Variants in AFG3L2 observed in about 807,000 individuals in gnomAD.
The protein encoded by AFG3L2 is AFG3 like matrix AAA peptidase subunit 2, also known as mitochondrial inner membrane m-AAA protease component AFG3L2.
In AFG3L2, 54 loss-of-function variants were observed where a neutral mutation model predicts 94.5. The observed-to-expected ratio is 0.57, with a 90% confidence interval of 0.46 to 0.72. AFG3L2 has a LOEUF of 0.72. AFG3L2 is among the 30% of genes least tolerant of loss of function. AFG3L2 has a pLI of 0.00. For missense variants in AFG3L2, 754 were observed against 994.9 expected (o/e 0.76, Z 3.26); for synonymous variants, 377 against 365.5 (o/e 1.03, Z -0.36).
At chr18:12,372,043 C>A (rs1356059357) in intron 1 of AFG3L2, among the ~76,000 whole-genome samples, 1 of 152,204 alleles carries the variant, frequency 6.6e-6, no homozygotes, top group Non-Finnish European at 1.5e-5. Context: ...CAGTGGCTCA[C>A]ACCTGTAATC....
At chr18:12,358,396 T>A (rs1366792235) in intron 8 of AFG3L2, among the ~76,000 whole-genome samples, 1 of 152,160 alleles carries the variant, frequency 6.6e-6, no homozygotes, top group Non-Finnish European at 1.5e-5. Flanking sequence ...AGATAGGGCA[T>A]CTAAATCAGA....
At position 12,362,971 on chromosome 18, in the gene AFG3L2, C is replaced by T. The variant is rs1908706615; in HGVS notation, c.627+811G>A. Among the ~76,000 whole-genome samples, 2 of 152,184 alleles carry T rather than the reference C, an allele frequency of 1.3e-5. 1 individual carries two copies. The highest frequency in any genetic ancestry group is 4.1e-4 in the South Asian group (2 of 4,832). On this transcript the variant is annotated intron_variant, in intron 6 of 16. Coordinates refer to ENST00000269143, the MANE Select transcript of AFG3L2 (RefSeq NM_006796.3). ...AGGATAAAGCACGGTTATTAATAGGCATTGCATCACTAGGTAGAGGGAATG... is the reference window on the plus strand; with the variant it reads ...AGGATAAAGCACGGTTATTAATAGGTATTGCATCACTAGGTAGAGGGAATG...
chr18:12,345,286 T>G (rs540116079), intron 13 of AFG3L2, among the ~76,000 whole-genome samples: 20 of 152,236 alleles, frequency 1.3e-4, no homozygotes, highest in Non-Finnish European at 2.5e-4. Flanking sequence ...GCGTGATTCT[T>G]CTCTGGCCTG....
At chr18:12,357,640 C>T (rs534302813) in intron 8 of AFG3L2, among the ~76,000 whole-genome samples, 4 of 152,120 alleles carry the variant, frequency 2.6e-5, no homozygotes, top group African/African-American at 9.6e-5. Context: ...CACTCTTGTC[C>T]AGGCTGGAGT....
At chr18:12,376,170 CT>C (rs1909150094) in intron 1 of AFG3L2, among the ~76,000 whole-genome samples, 1 of 152,180 alleles carries the variant, frequency 6.6e-6, no homozygotes, top group Non-Finnish European at 1.5e-5. Flanking sequence ...TACAAGGGCG[CT>C]GGGATAGCAG....
intron 13 of AFG3L2, among the ~76,000 whole-genome samples, chr18:12,345,801 A>G (rs1908115001): frequency 6.6e-6 from 1 of 152,190 alleles, no homozygotes; most frequent in Non-Finnish European, 1.5e-5. Context: ...GTGAATTATT[A>G]TATTTTGCTT....
At chr18:12,363,758 A>G in intron 6 of AFG3L2, 24 bp downstream of exon 6, 1 of 1,582,346 alleles carries the variant, frequency 6.3e-7, no homozygotes, top group Non-Finnish European at 8.7e-7. Flanking sequence ...CAACTAATTC[A>G]CATCAATTAA....
At chr18:12,356,209 T>C (rs1319625339) in intron 9 of AFG3L2, among the ~76,000 whole-genome samples, 1 of 151,180 alleles carries the variant, frequency 6.6e-6, no homozygotes, top group African/African-American at 2.4e-5. Flanking sequence ...TGGAATGCAG[T>C]GGTGTCATCT....
intron 9 of AFG3L2, among the ~76,000 whole-genome samples, chr18:12,354,128 T>TCCCC (rs1200634370): frequency 7.6e-5 from 4 of 52,656 alleles, no homozygotes; most frequent in African/African-American, 4.0e-4. Flanking sequence ...ACCTGCCCAC[T>TCCCC]CCCACCCCCC....
At chr18:12,367,177 C>T in intron 4 of AFG3L2, 60 bp from the exon 5 acceptor site, 1 of 1,612,964 alleles carries the variant, frequency 6.2e-7, no homozygotes, top group Non-Finnish European at 8.5e-7. Context: ...GATCTATGCT[C>T]TGTGAGACAC....
In AFG3L2 at chr18:12,332,874, C is replaced by G. The variant is rs1313310200; in HGVS notation, c.2176-3091G>C. On this transcript the variant is annotated intron_variant, in intron 16 of 16. Transcript: ENST00000269143. Reference sequence around the variant, plus strand: ...CACACACCATAGTTGTGGGTGATCACTTACATTTCAATAATTTAATCCAAT... The same window carrying G: ...CACACACCATAGTTGTGGGTGATCAGTTACATTTCAATAATTTAATCCAAT... 1.9e-4 allele frequency among the ~76,000 whole-genome samples: 8 copies of G among 41,798 alleles called. No homozygotes were observed. In the South Asian group the frequency reaches 4.8e-3, roughly 25 times the overall value. 27.4% of individuals were successfully genotyped at this position (41,798 alleles called of 152,430 possible). A position where few individuals can be genotyped will look rare whatever the true frequency, so the allele number is the denominator to read the frequency against.
intron 6 of AFG3L2, among the ~76,000 whole-genome samples, chr18:12,362,343 A>G (rs952528198): frequency 1.3e-5 from 2 of 152,216 alleles, no homozygotes; most frequent in African/African-American, 2.4e-5. Context: ...TTTAGTAAGC[A>G]GGTAATATAC....
intron 16 of AFG3L2, among the ~76,000 whole-genome samples, chr18:12,335,666 C>G (rs557323501): frequency 1.3e-5 from 2 of 152,314 alleles, no homozygotes; most frequent in African/African-American, 4.8e-5. Context: ...AGGCTCAGGG[C>G]TGCCCCCGGG....
In AFG3L2 at chr18:12,337,497, G is replaced by C. The variant is rs747656097; in HGVS notation, c.2019C>G (p.Ile673Met). ...QFGMNEKVGQ[I>M]SFDLPRQGDM... ...CCCCCTGACGTGGGAGGTCAAAGGAGATTTGCCCAACCTTTTCATTCATGC... is the reference window on the plus strand; with the variant it reads ...CCCCCTGACGTGGGAGGTCAAAGGACATTTGCCCAACCTTTTCATTCATGC... The change falls in exon 16 of 17, where the codon ATC becomes ATG. Residue 673 changes from isoleucine (I) to methionine (M), a missense_variant. Coordinates refer to ENST00000269143, the MANE Select transcript of AFG3L2 (RefSeq NM_006796.3). 6.2e-7 allele frequency: 1 copy of C among 1,614,230 alleles called. No homozygotes were observed. Among genetic ancestry groups the C allele is most frequent in the Admixed American group, 1.7e-5 (1 of 60,024 alleles).
At chr18:12,354,331 T>G (rs1908424005) in intron 9 of AFG3L2, among the ~76,000 whole-genome samples, 1 of 152,058 alleles carries the variant, frequency 6.6e-6, no homozygotes, top group African/African-American at 2.4e-5. Context: ...GAACAGGAAC[T>G]CAGCCATTCC....
At position 12,370,908 on chromosome 18, in the gene AFG3L2, G is replaced by C. The variant is rs1224790702; in HGVS notation, c.233C>G (p.Pro78Arg). Residue 78 changes from proline to arginine, a missense_variant, in exon 3 of 17, where the codon CCT (proline) becomes CGT (arginine). By Grantham distance (103) the Pro-to-Arg change is moderately radical. This residue lies in a region of AFG3L2 where 236 missense variants were observed against 214.0 expected (regional missense o/e 1.10). Coordinates refer to ENST00000269143, the MANE Select transcript of AFG3L2 (RefSeq NM_006796.3). ...RPPKGFEKYF[P>R]NGKNGKKASE... ...AGCTTTTTTTCCATTTTTTCCATTA[G>C]GAAAGTATTTTTCAAATCCTGTTAG... 1.3e-6 allele frequency: 2 copies of C among 1,571,784 alleles called. No homozygotes were observed. Among genetic ancestry groups the C allele is most frequent in the African/African-American group, 2.7e-5 (2 of 73,772 alleles).
At chr18:12,375,489 G>A (rs1165280632) in intron 1 of AFG3L2, among the ~76,000 whole-genome samples, 3 of 152,070 alleles carry the variant, frequency 2.0e-5, no homozygotes, top group African/African-American at 4.8e-5. Flanking sequence ...GAGAGGAGGA[G>A]GCGGGAGGAT....
rs74965224 is a variant in AFG3L2 at position 12,343,781 on chromosome 18, A to G, written c.1779+351T>C. 3,045 of 341,168 alleles carry G rather than the reference A, an allele frequency of 8.9e-3. 19 individuals are homozygous for G. Among genetic ancestry groups the G allele is most frequent in the Middle Eastern group, 0.018 (18 of 1,012 alleles). 21.1% of individuals were successfully genotyped at this position (341,168 alleles called of 1,614,324 possible). A position where few individuals can be genotyped will look rare whatever the true frequency, so the allele number is the denominator to read the frequency against. ...CTATCTCCTCTACCACCTCAGGATA[A>G]TAAAGACTATGTCTCATACCACTGT... On this transcript the variant is annotated intron_variant, in intron 14 of 16. Coordinates refer to ENST00000269143, the MANE Select transcript of AFG3L2 (RefSeq NM_006796.3).
At chr18:12,360,201 T>C (rs755981379) in intron 6 of AFG3L2, 150 bp from the exon 7 acceptor site, 18 of 750,104 alleles carry the variant, frequency 2.4e-5, no homozygotes, top group Middle Eastern at 3.6e-4. Context: ...GCTTTAATAA[T>C]GGTGGTGATT....
Sources: gnomAD v4.1 joint callset for allele counts (sites outside exome capture counted in the v4.1 genomes callset) on GRCh38, gnomAD v4.1.1 for gene constraint, gnomAD v4.1.1 regional missense constraint, MANE v1.5 for transcripts, NCBI Gene and HGNC (gene_info 2026-07-23, HGNC 2026-07-21) for gene names.